MSRA: variants seen among roughly 807,000 people sequenced by gnomAD.
The protein encoded by MSRA is mitochondrial peptide methionine sulfoxide reductase.
Under a neutral mutation model 31.3 loss-of-function variants are expected in MSRA, and 54 were observed. The ratio of observed to expected loss-of-function variants is 1.73; its 90% CI spans 1.39 to 2.17. MSRA has a LOEUF of 2.17. Ranked by LOEUF, MSRA falls within the 30% of genes most tolerant of loss-of-function variation. The pLI, the probability that MSRA is intolerant of heterozygous loss-of-function variation, is 0.00. For synonymous variants in MSRA, 169 were observed against 116.5 expected, an observed-to-expected ratio of 1.45 and a Z score of -2.90; for missense variants, 507 against 300.9, an observed-to-expected ratio of 1.69 and a Z score of -5.07.
chr8:10,351,666 C>A (rs931020777), intron 5 of MSRA, among the ~76,000 whole-genome samples: 3 of 152,200 alleles, frequency 2.0e-5, no homozygotes, highest in Admixed American at 2.0e-4. Flanking sequence ...TAAACTACTT[C>A]CTCATTTAGA....
At chr8:10,326,191 G>C (rs1296385080) in intron 5 of MSRA, among the ~76,000 whole-genome samples, 1 of 152,146 alleles carries the variant, frequency 6.6e-6, no homozygotes, top group Non-Finnish European at 1.5e-5. Context: ...TGACCCCCTA[G>C]TACCCAGCTT....
chr8:10,412,635 A>G (rs376029225), intron 5 of MSRA, among the ~76,000 whole-genome samples: 4 of 152,310 alleles, frequency 2.6e-5, no homozygotes, highest in African/African-American at 9.6e-5. Flanking sequence ...TGGACACGAG[A>G]TTAGAACAGA....
At chr8:10,163,335 G>A (rs1419218149) in intron 1 of MSRA, among the ~76,000 whole-genome samples, 3 of 152,200 alleles carry the variant, frequency 2.0e-5, no homozygotes, top group African/African-American at 7.2e-5. Context: ...CATGGTGGCC[G>A]GTCACCTTCC....
intron 1 of MSRA, among the ~76,000 whole-genome samples, chr8:10,153,703 C>T (rs1388669644): frequency 6.6e-6 from 1 of 152,166 alleles, no homozygotes; most frequent in African/African-American, 2.4e-5. Flanking sequence ...GCTGGCTGCT[C>T]TTCCATGTTG....
At chr8:10,174,182 G>A (rs1160233736) in intron 1 of MSRA, among the ~76,000 whole-genome samples, 2 of 152,178 alleles carry the variant, frequency 1.3e-5, no homozygotes, top group African/African-American at 4.8e-5. Flanking sequence ...AGGGATTTGA[G>A]TATTTGTTCC....
At chr8:10,066,660 A>C (rs2128915551) in intron 1 of MSRA, among the ~76,000 whole-genome samples, 1 of 152,096 alleles carries the variant, frequency 6.6e-6, no homozygotes, top group South Asian at 2.1e-4. Flanking sequence ...CAGCCTTCCG[A>C]GTAGATGGGA....
At chr8:10,241,730 A>C (rs12682276) in intron 2 of MSRA, among the ~76,000 whole-genome samples, 23,778 of 148,914 alleles carry the variant, frequency 0.16, 2,612 homozygotes, top group African/African-American at 0.31. Flanking sequence ...TGTGCTTTCT[A>C]ATCAAAGACC....
chr8:10,382,502 T>A (rs1161598538), intron 5 of MSRA, among the ~76,000 whole-genome samples: 1 of 152,204 alleles, frequency 6.6e-6, no homozygotes, highest in Non-Finnish European at 1.5e-5. Flanking sequence ...AGTGCCCTAT[T>A]TGCAGAATGT....
At chr8:10,376,949 C>T (rs1017185392) in intron 5 of MSRA, among the ~76,000 whole-genome samples, 6 of 152,066 alleles carry the variant, frequency 3.9e-5, no homozygotes, top group East Asian at 1.9e-4. Flanking sequence ...AGGGTGTAAG[C>T]GGGGAAGGGA....
rs562882751 is a variant in MSRA at position 10,253,641 on chromosome 8, C to T, written c.331+8418C>T. Reference sequence around the variant, plus strand: ...ATTAAGAGGAATTTGATATAGCAAGCAGTTTTTAAAACATAATTGCAAAAG... The same window carrying T: ...ATTAAGAGGAATTTGATATAGCAAGTAGTTTTTAAAACATAATTGCAAAAG... On this transcript the variant is annotated intron_variant, in intron 3 of 5. Transcript: ENST00000317173. 9.9e-5 allele frequency among the ~76,000 whole-genome samples: 15 copies of T among 152,276 alleles called. No individual in the cohort carries two copies. The East Asian group carries it at 2.1e-3, about 22-fold the overall frequency.
At chr8:10,259,475 C>A (rs1464606636) in intron 3 of MSRA, among the ~76,000 whole-genome samples, 2 of 151,900 alleles carry the variant, frequency 1.3e-5, no homozygotes, top group African/African-American at 2.4e-5. Context: ...TGTGTAGGGA[C>A]CCGTGACATT....
intron 3 of MSRA, among the ~76,000 whole-genome samples, chr8:10,262,823 A>G (rs187751323): frequency 1.3e-5 from 2 of 152,350 alleles, no homozygotes; most frequent in East Asian, 3.9e-4. Context: ...GGACTGTTGC[A>G]TGCCCGAATG....
intron 1 of MSRA, among the ~76,000 whole-genome samples, chr8:10,091,115 TC>T (rs1432000488): frequency 5.3e-5 from 8 of 152,242 alleles, no homozygotes; most frequent in Admixed American, 2.6e-4. Flanking sequence ...GGTCTTCTTT[TC>T]CTAGGATAAA....
chr8:10,351,435 G>C (rs925307746), intron 5 of MSRA, among the ~76,000 whole-genome samples: 1 of 151,814 alleles, frequency 6.6e-6, no homozygotes, highest in African/African-American at 2.4e-5. Context: ...TGTATTTTTG[G>C]TAGAGATGGG....
Position 10,340,207 on chromosome 8 carries a change from C to T in MSRA, c.543+20218C>T, listed in dbSNP as rs561915404. Among the ~76,000 whole-genome samples the T allele has an allele frequency of 2.2e-4, 34 of 152,218 alleles. 1 individual carries two copies. Among genetic ancestry groups the T allele is most frequent in the African/African-American group, 7.2e-4 (30 of 41,544 alleles). The stretch of plus-strand genomic sequence containing the variant: ...CAGTGACACACCTGCCCATTCCCAG[C>T]AGAGCTTGGTGCCATTCTCAGGTCT... On this transcript the variant is annotated intron_variant, in intron 5 of 5. Transcript: ENST00000317173.
intron 5 of MSRA, among the ~76,000 whole-genome samples, chr8:10,344,411 T>C (rs146349440): frequency 1.3e-5 from 2 of 151,368 alleles, no homozygotes; most frequent in African/African-American, 4.9e-5. Flanking sequence ...CCGTCTCTAC[T>C]AAAAATACAA....
rs569164461 is a variant in MSRA, at chr8:10,232,250, C to T, written c.212-12854C>T. 2.6e-5 allele frequency among the ~76,000 whole-genome samples: 4 copies of T among 152,326 alleles called. No individual in the cohort carries two copies. The East Asian group carries it at 5.8e-4, about 22-fold the overall frequency. On this transcript the variant is annotated intron_variant, in intron 2 of 5. Transcript: ENST00000317173. ...AACTGCACATGTTCTAATGGGAGCCCAGCCTCCCTGTTGGTTTCCACTCTG... is the reference window on the plus strand; with the variant it reads ...AACTGCACATGTTCTAATGGGAGCCTAGCCTCCCTGTTGGTTTCCACTCTG...
Position 10,314,363 on chromosome 8 carries a change from G to A in MSRA, c.437-5520G>A, listed in dbSNP as rs565271171. On this transcript the variant is annotated intron_variant, in intron 4 of 5. Transcript: ENST00000317173. Reference sequence around the variant, plus strand: ...GACAGACTGCTGAGAGAAAAAATGGGCAAAGGACTTGAATTGTGGCAAAGA... The same window carrying A: ...GACAGACTGCTGAGAGAAAAAATGGACAAAGGACTTGAATTGTGGCAAAGA... Among the ~76,000 whole-genome samples the A allele has an allele frequency of 7.9e-5, 12 of 152,024 alleles. No individual in the cohort carries two copies. The East Asian group carries it at 1.9e-3, about 24-fold the overall frequency.
chr8:10,310,271 A>C (rs908445177), intron 4 of MSRA, among the ~76,000 whole-genome samples: 1 of 152,246 alleles, frequency 6.6e-6, no homozygotes, highest in Non-Finnish European at 1.5e-5. Context: ...ACCCAAACCC[A>C]GCATTATGAA....
Sources: gnomAD v4.1 joint callset for allele counts (sites outside exome capture counted in the v4.1 genomes callset) on GRCh38, gnomAD v4.1.1 for gene constraint, MANE v1.5 for transcripts, NCBI Gene and HGNC (gene_info 2026-07-23, HGNC 2026-07-21) for gene names.